Variants in FRMD5 observed in about 807,000 individuals in gnomAD.
FRMD5 encodes FERM domain-containing protein 5.
FRMD5 carries 20 observed loss-of-function variants against 69.0 expected under a neutral mutation model. That is an observed-to-expected ratio of 0.29 (90% CI 0.20 to 0.42). The LOEUF (loss-of-function observed/expected upper bound fraction) is 0.42. Among genes scored for constraint, FRMD5 ranks in the 10% least tolerant of loss-of-function variants. The pLI, the probability that FRMD5 is intolerant of heterozygous loss-of-function variation, is 1.00. For missense variants in FRMD5, 595 were observed against 708.6 expected, an observed-to-expected ratio of 0.84 and a Z score of 1.82; for synonymous variants, 271 against 260.1, an observed-to-expected ratio of 1.04 and a Z score of -0.40.
chr15:44,137,888 A>G (rs2140436683), intron 1 of FRMD5, among the ~76,000 whole-genome samples: 1 of 152,316 alleles, frequency 6.6e-6, no homozygotes, highest in African/African-American at 2.4e-5. Flanking sequence ...GGAAGTGGGC[A>G]GCACTCCAGA....
intron 1 of FRMD5, among the ~76,000 whole-genome samples, chr15:43,928,076 AG>A (rs2089615239): frequency 6.6e-6 from 1 of 152,184 alleles, no homozygotes; most frequent in South Asian, 2.1e-4. Flanking sequence ...TTAGGAAATA[AG>A]GATATATCCC....
chr15:43,876,176 A>G, intron 13 of FRMD5: 15 of 1,598,390 alleles, frequency 9.4e-6, no homozygotes, highest in Middle Eastern at 4.4e-4. Flanking sequence ...TCTTGTCAGC[A>G]CTGTCACTCC....
intron 1 of FRMD5, among the ~76,000 whole-genome samples, chr15:44,164,113 A>G (rs1014202164): frequency 6.6e-6 from 1 of 151,996 alleles, no homozygotes; most frequent in Non-Finnish European, 1.5e-5. Context: ...CCTGTTTCTC[A>G]CTGTCCTCCC....
At chr15:43,958,130 T>C (rs1031089043) in intron 1 of FRMD5, among the ~76,000 whole-genome samples, 1 of 152,226 alleles carries the variant, frequency 6.6e-6, no homozygotes, top group East Asian at 1.9e-4. Context: ...CTTTTCTTAA[T>C]TAAAGAAGCA....
chr15:44,094,487 T>C (rs1235389962), intron 1 of FRMD5, among the ~76,000 whole-genome samples: 2 of 152,192 alleles, frequency 1.3e-5, no homozygotes, highest in East Asian at 3.8e-4. Flanking sequence ...AAACGTTTTA[T>C]TGAGCCACCA....
intron 1 of FRMD5, among the ~76,000 whole-genome samples, chr15:43,981,490 G>A (rs2090548044): frequency 6.6e-6 from 1 of 152,178 alleles, no homozygotes; most frequent in Admixed American, 6.5e-5. Flanking sequence ...AGAGGTAGAG[G>A]AGGTGGAAGG....
At chr15:44,120,095 C>G (rs1010901280) in intron 1 of FRMD5, among the ~76,000 whole-genome samples, 1 of 152,124 alleles carries the variant, frequency 6.6e-6, no homozygotes, top group Non-Finnish European at 1.5e-5. Flanking sequence ...CAATTCTGAA[C>G]AGGTACAGAG....
chr15:44,077,358 C>G (rs1453424753), intron 1 of FRMD5, among the ~76,000 whole-genome samples: 2 of 151,970 alleles, frequency 1.3e-5, no homozygotes, highest in Non-Finnish European at 2.9e-5. Flanking sequence ...TGAGAAAAAT[C>G]ATTACAAAGA....
At chr15:44,083,720 A>C (rs1894083283) in intron 1 of FRMD5, among the ~76,000 whole-genome samples, 1 of 152,108 alleles carries the variant, frequency 6.6e-6, no homozygotes, top group Admixed American at 6.6e-5. Flanking sequence ...ACATGGGATC[A>C]AACTATGGAA....
At chr15:43,951,984 GTGTGTGTGTGTGTGTC>G (rs1224872624) in intron 1 of FRMD5, among the ~76,000 whole-genome samples, 28 of 106,066 alleles carry the variant, frequency 2.6e-4, no homozygotes, top group Admixed American at 1.1e-3. Context: ...TGTGTGTTGT[GTGTGTGTGTGTGTGTC>G]TGTGTGTGTG....
chr15:44,013,592 CT>C (rs1890822370), intron 1 of FRMD5, among the ~76,000 whole-genome samples: 1 of 152,132 alleles, frequency 6.6e-6, no homozygotes, highest in Non-Finnish European at 1.5e-5. Context: ...GTAATACAAA[CT>C]ATTAATATAA....
intron 1 of FRMD5, among the ~76,000 whole-genome samples, chr15:43,925,850 C>T (rs2089575213): frequency 6.6e-6 from 1 of 152,220 alleles, no homozygotes; most frequent in South Asian, 2.1e-4. Context: ...CAAATGTCCC[C>T]TCTTCAGAGA....
intron 1 of FRMD5, 89 bp downstream of exon 1, chr15:44,194,863 AC>A: frequency 9.3e-7 from 1 of 1,073,878 alleles, no homozygotes; most frequent in Non-Finnish European, 1.4e-6. Flanking sequence ...GGCTGGGGCG[AC>A]CCCTGGGCGG....
chr15:44,095,545 C>A (rs1464461530), intron 1 of FRMD5, among the ~76,000 whole-genome samples: 1 of 152,036 alleles, frequency 6.6e-6, no homozygotes, highest in African/African-American at 2.4e-5. Flanking sequence ...TAAAAATGAA[C>A]CCTGAGCTTC....
rs397957563 is a variant in FRMD5, at chr15:43,893,128, CA to C, written c.640-1060del. On this transcript the variant is annotated intron_variant, in intron 7 of 13. Coordinates refer to ENST00000417257, the MANE Select transcript of FRMD5 (RefSeq NM_032892.5). Reference sequence around the variant, plus strand: ...CAAAAAAACAAAACAAACGAAAAAACAAAAAAAAAAAAAAACATTTTATGGT... The same window carrying C: ...CAAAAAAACAAAACAAACGAAAAAACAAAAAAAAAAAAAACATTTTATGGT... Among the ~76,000 whole-genome samples, 269 of 117,332 alleles carry C rather than the reference CA, an allele frequency of 2.3e-3. 1 individual carries two copies. The highest frequency in any genetic ancestry group is 2.4e-3 in the East Asian group (10 of 4,130). 77.0% of individuals were successfully genotyped at this position (117,332 alleles called of 152,430 possible).
Position 43,883,752 on chromosome 15 carries a change from G to T in FRMD5, c.1086C>A (p.Ser362Arg). ...CTCTTCTGCGGGTCCTGGGGACGCT[G>T]CTCAGCCTTGGGCCATGGGTTATGG... ...CPSITHGPRL[S>R]SVPRTRRRAV... Residue 362 changes from serine to arginine, a missense_variant, in exon 13 of 14, where the codon AGC (serine) becomes AGA (arginine). By Grantham distance (110) the Ser-to-Arg change is moderately radical. This residue lies in a region of FRMD5 where 176 missense variants were observed against 266.3 expected (regional missense o/e 0.66). Transcript: ENST00000417257. The T allele has an allele frequency of 6.2e-7, 1 of 1,613,934 alleles. No individual in the cohort carries two copies. Among genetic ancestry groups the T allele is most frequent in the East Asian group, 2.2e-5 (1 of 44,866 alleles).
intron 1 of FRMD5, among the ~76,000 whole-genome samples, chr15:43,981,680 A>G (rs551621933): frequency 1.1e-4 from 16 of 152,350 alleles, no homozygotes; most frequent in African/African-American, 3.6e-4. Context: ...AGAAGTCAAA[A>G]GCATTCTTGA....
intron 1 of FRMD5, among the ~76,000 whole-genome samples, chr15:44,007,739 G>A (rs1158130383): frequency 5.3e-5 from 7 of 133,102 alleles, no homozygotes; most frequent in African/African-American, 8.2e-5. Context: ...TCCATCTCCC[G>A]GGTTCAAGTG....
rs147662615 is a variant in FRMD5, at chr15:44,004,857, T to C, written c.103-80548A>G. On this transcript the variant is annotated intron_variant, in intron 1 of 13. Coordinates refer to ENST00000417257, the MANE Select transcript of FRMD5 (RefSeq NM_032892.5). ...TGAGATAGACTGAAAGCTAGGCTTC[T>C]TGAGCCAAATAGCCAAATTTGTAAA... Among the ~76,000 whole-genome samples the C allele has an allele frequency of 4.9e-3, 749 of 152,366 alleles. 12 individuals carry two copies. Among genetic ancestry groups the C allele is most frequent in the African/African-American group, 0.017 (718 of 41,584 alleles).
Sources: allele counts gnomAD v4.1 joint callset (sites outside exome capture counted in the v4.1 genomes callset), GRCh38; gene constraint gnomAD v4.1.1; regional missense constraint gnomAD v4.1.1; transcripts MANE v1.5; gene names NCBI Gene and HGNC (gene_info 2026-07-23, HGNC 2026-07-21).